FRMD4A: variants seen among roughly 807,000 people sequenced by gnomAD.
The protein encoded by FRMD4A is FERM domain-containing protein 4A.
FRMD4A carries 29 observed loss-of-function variants against 129.1 expected under a neutral mutation model. The ratio of observed to expected loss-of-function variants is 0.22; its 90% CI spans 0.17 to 0.31. The LOEUF (loss-of-function observed/expected upper bound fraction) is 0.31. FRMD4A is among the 10% of genes least tolerant of loss of function. The pLI is 1.00. For synonymous variants in FRMD4A, 634 were observed against 571.6 expected (o/e 1.11, Z -1.56); for missense variants, 1,272 against 1,375.8 (o/e 0.92, Z 1.19).
At chr10:14,226,108 GT>G (rs981277034) in intron 2 of FRMD4A, among the ~76,000 whole-genome samples, 7 of 151,956 alleles carry the variant, frequency 4.6e-5, no homozygotes, top group Non-Finnish European at 8.8e-5. Context: ...CTCCCTGCAT[GT>G]TTTTTTTAAA....
In FRMD4A at chr10:13,837,831, C is replaced by T. The variant is rs1387761397; in HGVS notation, c.111+21016G>A. 2.0e-5 allele frequency among the ~76,000 whole-genome samples: 3 copies of T among 152,196 alleles called. No homozygotes were observed. In the East Asian group the frequency reaches 5.8e-4, roughly 29 times the overall value. On this transcript the variant is annotated intron_variant, in intron 3 of 24. Coordinates refer to ENST00000357447, the MANE Select transcript of FRMD4A (RefSeq NM_018027.5). The stretch of plus-strand genomic sequence containing the variant: ...TCTGGTTGCACAGAACTGTTGGGTT[C>T]GATATTTTCTATCTTCCCTTCATTT...
At chr10:14,010,662 G>GTTTTTT (rs1404083388) in intron 2 of FRMD4A, among the ~76,000 whole-genome samples, 2 of 66,494 alleles carry the variant, frequency 3.0e-5, no homozygotes, top group East Asian at 1.4e-3. Context: ...TCGAGTTTAG[G>GTTTTTT]TCTTTTTTTT....
chr10:14,124,653 G>T (rs1036823306), intron 2 of FRMD4A, among the ~76,000 whole-genome samples: 1 of 152,150 alleles, frequency 6.6e-6, no homozygotes, highest in African/African-American at 2.4e-5. Context: ...TCCAGCCTGG[G>T]TGACAGGGCA....
At chr10:13,676,364 A>G (rs1251897319) in intron 15 of FRMD4A, among the ~76,000 whole-genome samples, 1 of 150,666 alleles carries the variant, frequency 6.6e-6, no homozygotes, top group Non-Finnish European at 1.5e-5. Context: ...TAGGTTCAAG[A>G]GATTCTCCTG....
chr10:14,141,967 A>C (rs1839858963), intron 2 of FRMD4A, among the ~76,000 whole-genome samples: 1 of 152,220 alleles, frequency 6.6e-6, no homozygotes. Flanking sequence ...TAGGCATCCG[A>C]AAATGTGTAT....
chr10:14,103,478 C>T (rs915260714), intron 2 of FRMD4A, among the ~76,000 whole-genome samples: 5 of 152,130 alleles, frequency 3.3e-5, no homozygotes, highest in African/African-American at 9.7e-5. Flanking sequence ...ATACCAGAGG[C>T]CTGGGTCTCT....
chr10:14,195,455 T>C (rs185039253), intron 2 of FRMD4A, among the ~76,000 whole-genome samples: 268 of 151,840 alleles, frequency 1.8e-3, no homozygotes, highest in Non-Finnish European at 2.7e-3. Flanking sequence ...TCAGTTGCCA[T>C]CAGAAAATAG....
At chr10:14,111,416 G>A (rs1837894807) in intron 2 of FRMD4A, among the ~76,000 whole-genome samples, 1 of 152,122 alleles carries the variant, frequency 6.6e-6, no homozygotes, top group African/African-American at 2.4e-5. Context: ...CTGTGATTTG[G>A]CTCAAGGCTT....
At chr10:13,682,012 G>A (rs2084639656) in intron 15 of FRMD4A, among the ~76,000 whole-genome samples, 1 of 152,044 alleles carries the variant, frequency 6.6e-6, no homozygotes, top group African/African-American at 2.4e-5. Context: ...TTGAGGCCAA[G>A]AGTTTGAGAC....
At chr10:14,088,614 A>C (rs1836439269) in intron 2 of FRMD4A, among the ~76,000 whole-genome samples, 1 of 151,718 alleles carries the variant, frequency 6.6e-6, no homozygotes, top group African/African-American at 2.4e-5. Context: ...CAAAAAATGC[A>C]AAAACTAGCC....
chr10:13,838,476 T>C (rs2093911184), intron 3 of FRMD4A, among the ~76,000 whole-genome samples: 1 of 151,302 alleles, frequency 6.6e-6, no homozygotes, highest in East Asian at 2.0e-4. Context: ...TTCCTCTCTG[T>C]TCTGTTTTCT....
At chr10:14,309,581 C>T (rs1397387573) in intron 2 of FRMD4A, among the ~76,000 whole-genome samples, 1 of 152,180 alleles carries the variant, frequency 6.6e-6, no homozygotes, top group African/African-American at 2.4e-5. Flanking sequence ...CAAGGCAGTT[C>T]TGGTTCATTT....
chr10:14,008,111 T>C, intron 2 of FRMD4A: 1 of 1,302,856 alleles, frequency 7.7e-7, no homozygotes, highest in Non-Finnish European at 1.0e-6. Flanking sequence ...TCAGTAAAAG[T>C]CTTTGGGATC....
intron 2 of FRMD4A, among the ~76,000 whole-genome samples, chr10:14,257,119 T>C (rs948345713): frequency 2.0e-5 from 3 of 151,960 alleles, no homozygotes; most frequent in African/African-American, 7.3e-5. Flanking sequence ...TCACTTGAGA[T>C]AAGGAGTTCG....
intron 2 of FRMD4A, among the ~76,000 whole-genome samples, chr10:14,190,060 A>G (rs1842269909): frequency 6.6e-6 from 1 of 152,212 alleles, no homozygotes; most frequent in African/African-American, 2.4e-5. Context: ...TTTCCAAAAT[A>G]TATTTGACAA....
At chr10:14,281,866 T>C (rs1845530071) in intron 2 of FRMD4A, among the ~76,000 whole-genome samples, 2 of 152,204 alleles carry the variant, frequency 1.3e-5, no homozygotes, top group African/African-American at 4.8e-5. Context: ...AGTTGGTCTA[T>C]ACATTAGAGG....
rs60196881 is a variant in FRMD4A, at chr10:14,184,298, A to ATTTTTTTTTTT, written c.45+145749_45+145759dup. Among the ~76,000 whole-genome samples, 11 of 104,898 alleles carry ATTTTTTTTTTT rather than the reference A, an allele frequency of 1.0e-4. 1 individual carries two copies. In the South Asian group the frequency reaches 2.4e-3, roughly 23 times the overall value. 68.8% of individuals were successfully genotyped at this position (104,898 alleles called of 152,430 possible). A position where few individuals can be genotyped will look rare whatever the true frequency, so the allele number is the denominator to read the frequency against. ...AGGTGCATACCACCACAACCGGTTA[A>ATTTTTTTTTTT]TTTTTTTTTTTTTTTTAGTAGAGAT... is the stretch of plus-strand genomic sequence containing the variant. On this transcript the variant is annotated intron_variant, in intron 2 of 24. Transcript: ENST00000357447.
rs7911788 is a variant in FRMD4A, at chr10:14,047,394, A to T, written c.46-188482T>A. Among the ~76,000 whole-genome samples, 412 of 152,270 alleles carry T rather than the reference A, an allele frequency of 2.7e-3. 3 individuals are homozygous for T. The highest frequency in any genetic ancestry group is 9.3e-3 in the African/African-American group (388 of 41,550). The stretch of plus-strand genomic sequence containing the variant: ...TGGGTATGAAAGGAAGGTGCAAGAA[A>T]GGTCCTCAGAGGCCTGCCTACTGGT... On this transcript the variant is annotated intron_variant, in intron 2 of 24. Coordinates refer to ENST00000357447, the MANE Select transcript of FRMD4A (RefSeq NM_018027.5).
chr10:13,960,863 G>A (rs2095442126), intron 2 of FRMD4A, among the ~76,000 whole-genome samples: 1 of 152,010 alleles, frequency 6.6e-6, no homozygotes, highest in African/African-American at 2.4e-5. Context: ...TTTTTTTTAA[G>A]TGAAGGGGAC....
Sources: allele counts gnomAD v4.1 joint callset (sites outside exome capture counted in the v4.1 genomes callset), GRCh38; gene constraint gnomAD v4.1.1; transcripts MANE v1.5; gene names NCBI Gene and HGNC (gene_info 2026-07-23, HGNC 2026-07-21).